NF2: variants seen among roughly 807,000 people sequenced by gnomAD.
NF2 encodes merlin.
A neutral mutation model predicts 83.7 loss-of-function variants in NF2; 8 were observed. The observed-to-expected ratio is 0.10, with a 90% CI of 0.06 to 0.17. The LOEUF is 0.17. Among genes scored for constraint, NF2 ranks in the 10% least tolerant of loss-of-function variants. NF2 has a pLI of 1.00. For missense variants in NF2, 533 were observed against 744.4 expected, an observed-to-expected ratio of 0.72 and a Z score of 3.31; for synonymous variants, 266 against 269.6, an observed-to-expected ratio of 0.99 and a Z score of 0.13.
chr22:29,612,003 TG>T (rs1335421230), intron 1 of NF2, among the ~76,000 whole-genome samples: 2 of 152,216 alleles, frequency 1.3e-5, no homozygotes, highest in African/African-American at 4.8e-5. Context: ...TTTTTGGTTT[TG>T]TTTTTTAAAT....
At chr22:29,637,146 C>A (rs1276586929) in intron 2 of NF2, among the ~76,000 whole-genome samples, 1 of 152,146 alleles carries the variant, frequency 6.6e-6, no homozygotes, top group Non-Finnish European at 1.5e-5. Flanking sequence ...TTGCTTCTGG[C>A]TTTATGCCTT....
chr22:29,678,837 C>T (rs2067045408), intron 14 of NF2, among the ~76,000 whole-genome samples: 1 of 152,224 alleles, frequency 6.6e-6, no homozygotes, highest in Non-Finnish European at 1.5e-5. Context: ...CCCAGCATGG[C>T]CTGATCATGG....
intron 15 of NF2, among the ~76,000 whole-genome samples, chr22:29,691,751 G>T (rs1281632397): frequency 6.6e-6 from 1 of 152,244 alleles, no homozygotes. Flanking sequence ...CGTGCAGGTG[G>T]CAGAGCTGTT....
intron 4 of NF2, among the ~76,000 whole-genome samples, chr22:29,653,076 T>C (rs772544605): frequency 6.6e-6 from 1 of 152,194 alleles, no homozygotes; most frequent in Non-Finnish European, 1.5e-5. Context: ...TGAGCCATGG[T>C]GCCCACCCTA....
intron 1 of NF2, among the ~76,000 whole-genome samples, chr22:29,607,338 G>C (rs1222674842): frequency 6.6e-6 from 1 of 151,664 alleles, no homozygotes; most frequent in Non-Finnish European, 1.5e-5. Context: ...AATTAGTGGA[G>C]CTTCATAGCT....
At chr22:29,632,124 T>G (rs2065529446) in intron 1 of NF2, among the ~76,000 whole-genome samples, 1 of 152,212 alleles carries the variant, frequency 6.6e-6, no homozygotes, top group Non-Finnish European at 1.5e-5. Flanking sequence ...TGACAAAGAA[T>G]TGATTTTATG....
chr22:29,637,920 A>G (rs911960988), intron 2 of NF2, among the ~76,000 whole-genome samples: 1 of 152,206 alleles, frequency 6.6e-6, no homozygotes, highest in Non-Finnish European at 1.5e-5. Context: ...GGGCAGGAGC[A>G]TGGAGAGTTA....
rs1443816414 is a variant in NF2, at chr22:29,628,154, G to GTC, written c.115-8596_115-8595insCT. 4.7e-5 allele frequency among the ~76,000 whole-genome samples: 7 copies of GTC among 148,512 alleles called. No individual in the cohort carries two copies. In the East Asian group the frequency reaches 9.7e-4, roughly 21 times the overall value. ...GGAGACTTAATCTGTGTGTGTGTGTGTGTGTGTGTGTGTGTGTGTGTGTGT... is the reference window on the plus strand; with the variant it reads ...GGAGACTTAATCTGTGTGTGTGTGTGTCTGTGTGTGTGTGTGTGTGTGTGTGT... On this transcript the variant is annotated intron_variant, in intron 1 of 15. Transcript: ENST00000338641.
At chr22:29,656,167 G>A (rs1601614860) in intron 6 of NF2, among the ~76,000 whole-genome samples, 2 of 151,900 alleles carry the variant, frequency 1.3e-5, no homozygotes, top group South Asian at 2.1e-4. Flanking sequence ...TTCAACTCCT[G>A]GGCTCAAAGC....
intron 1 of NF2, among the ~76,000 whole-genome samples, chr22:29,628,435 T>G (rs556872703): frequency 6.6e-6 from 1 of 151,906 alleles, no homozygotes; most frequent in South Asian, 2.1e-4. Context: ...GTAGGGTAAT[T>G]GGTTGAAGGA....
chr22:29,623,980 A>G (rs2065278731), intron 1 of NF2, among the ~76,000 whole-genome samples: 1 of 152,174 alleles, frequency 6.6e-6, no homozygotes, highest in African/African-American at 2.4e-5. Context: ...TTTGGTAGGA[A>G]GTCATCTCAA....
At chr22:29,646,468 A>G (rs2065984581) in intron 4 of NF2, among the ~76,000 whole-genome samples, 1 of 152,216 alleles carries the variant, frequency 6.6e-6, no homozygotes, top group Non-Finnish European at 1.5e-5. Context: ...TTCTTCAGTA[A>G]GTCATACTGG....
In NF2 at chr22:29,626,681, G is replaced by A. The variant is rs150139656; in HGVS notation, c.115-10070G>A. 2.9e-3 allele frequency among the ~76,000 whole-genome samples: 446 copies of A among 152,322 alleles called. 2 individuals are homozygous for A. Among genetic ancestry groups the A allele is most frequent in the Non-Finnish European group, 4.6e-3 (311 of 68,036 alleles). ...TGTGCTGGAGCTTTTTTGAAGGAATGCATTGTTACATACTAACCACAATTT... is the reference window on the plus strand; with the variant it reads ...TGTGCTGGAGCTTTTTTGAAGGAATACATTGTTACATACTAACCACAATTT... On this transcript the variant is annotated intron_variant, in intron 1 of 15. Transcript: ENST00000338641.
chr22:29,674,167 C>T (rs940163511), intron 12 of NF2, among the ~76,000 whole-genome samples: 3 of 152,222 alleles, frequency 2.0e-5, no homozygotes, highest in African/African-American at 4.8e-5. Flanking sequence ...TTCCTCACCA[C>T]GCTTTGCATG....
At chr22:29,613,766 C>CT (rs113267526) in intron 1 of NF2, among the ~76,000 whole-genome samples, 22,011 of 144,986 alleles carry the variant, frequency 0.15, 2,276 homozygotes, top group East Asian at 0.56. Context: ...TTTCTTTTTT[C>CT]TTTTTTTTTT....
At chr22:29,641,898 A>C (rs903514269) in intron 3 of NF2, among the ~76,000 whole-genome samples, 1 of 152,130 alleles carries the variant, frequency 6.6e-6, no homozygotes, top group Non-Finnish European at 1.5e-5. Flanking sequence ...ACACTTCTTG[A>C]GTTCATAGCG....
In NF2 at chr22:29,610,114, G is replaced by T. The variant is rs192746896; in HGVS notation, c.114+6002G>T. On this transcript the variant is annotated intron_variant, in intron 1 of 15. Transcript: ENST00000338641. ...GCACTTTGGGAGGTCAAGGCAGGAG[G>T]ATCCTTTGAGGCCAGGAGCTTGAGA... 3.3e-5 allele frequency among the ~76,000 whole-genome samples: 5 copies of T among 152,126 alleles called. No homozygotes were observed. The East Asian group carries it at 9.7e-4, about 29-fold the overall frequency.
chr22:29,694,930 C>T lies in NF2; in HGVS notation c.*128C>T, dbSNP rs1371277907. The stretch of plus-strand genomic sequence containing the variant: ...TTCCGTGGGAGCTCCAGAACTTTCC[C>T]CAGCTGAGTGAAGAGCCCAGCCCCT... On this transcript the variant is annotated 3_prime_UTR_variant, in exon 16 of 16. Transcript: ENST00000338641. This position sits in a 1 kb window ranked among gnomAD's most constrained non-coding sequence, Gnocchi z 4.1. The T allele has an allele frequency of 1.0e-6, 1 of 955,576 alleles. No individual in the cohort carries two copies. The allele number at this position is 955,576 out of a possible 1,614,324, so 59.2% of individuals were successfully genotyped here. A position where few individuals can be genotyped will look rare whatever the true frequency, so the allele number is the denominator to read the frequency against.
intron 4 of NF2, among the ~76,000 whole-genome samples, chr22:29,651,111 T>C (rs2066135878): frequency 6.6e-6 from 1 of 152,262 alleles, no homozygotes; most frequent in Non-Finnish European, 1.5e-5. Flanking sequence ...TTTAAGAATT[T>C]ATTGACTGGT....
Sources: gnomAD v4.1 joint callset for allele counts (sites outside exome capture counted in the v4.1 genomes callset) on GRCh38, gnomAD v4.1.1 for gene constraint, Gnocchi (gnomAD v3.1) non-coding constraint, MANE v1.5 for transcripts, NCBI Gene and HGNC (gene_info 2026-07-23, HGNC 2026-07-21) for gene names.